Variants in TMEM132D observed in about 807,000 individuals in gnomAD.
TMEM132D encodes the protein mature OL transmembrane protein.
In TMEM132D, 21 loss-of-function variants were observed where a neutral mutation model predicts 62.3. The observed-to-expected ratio is 0.34, with a 90% confidence interval of 0.24 to 0.49. The LOEUF (loss-of-function observed/expected upper bound fraction) is 0.49. Ranked by LOEUF, TMEM132D falls within the 20% of genes least tolerant of loss-of-function variation. The probability of loss-of-function intolerance (pLI) is 0.99; values close to 1 mark genes in which losing one functional copy is unlikely to be tolerated. For missense variants in TMEM132D, 1,346 were observed against 1,402.8 expected, an observed-to-expected ratio of 0.96 and a Z score of 0.65; for synonymous variants, 621 against 575.6, an observed-to-expected ratio of 1.08 and a Z score of -1.13.
At chr12:129,373,026 C>T (rs566088285) in intron 3 of TMEM132D, among the ~76,000 whole-genome samples, 7 of 152,154 alleles carry the variant, frequency 4.6e-5, no homozygotes, top group African/African-American at 1.2e-4. Context: ...AACCCAGGAA[C>T]CCACTTGTTG....
At chr12:129,538,326 C>T (rs1412891890) in intron 2 of TMEM132D, among the ~76,000 whole-genome samples, 6 of 152,160 alleles carry the variant, frequency 3.9e-5, no homozygotes, top group South Asian at 4.1e-4. Context: ...AGGATCATGC[C>T]GAGGGCTGCC....
chr12:129,528,862 T>G (rs1876133887), intron 3 of TMEM132D, among the ~76,000 whole-genome samples: 1 of 152,244 alleles, frequency 6.6e-6, no homozygotes, highest in Non-Finnish European at 1.5e-5. Context: ...GTTCTAGAGC[T>G]TCCTCATTAA....
At chr12:129,874,312 A>G (rs1309165586) in intron 1 of TMEM132D, among the ~76,000 whole-genome samples, 1 of 152,158 alleles carries the variant, frequency 6.6e-6, no homozygotes, top group Non-Finnish European at 1.5e-5. Context: ...CGGGAGGCTG[A>G]GGCAGGAGAA....
intron 2 of TMEM132D, among the ~76,000 whole-genome samples, chr12:129,633,237 T>C (rs974572480): frequency 6.6e-6 from 1 of 152,204 alleles, no homozygotes; most frequent in African/African-American, 2.4e-5. Flanking sequence ...CACTTATGAA[T>C]TATAGATCAA....
At chr12:129,895,857 G>A (rs573950348) in intron 1 of TMEM132D, among the ~76,000 whole-genome samples, 1 of 151,920 alleles carries the variant, frequency 6.6e-6, no homozygotes, top group South Asian at 2.1e-4. Context: ...GAAGAGAAAG[G>A]CTGAGAAACC....
At chr12:129,678,486 A>G (rs1416605924) in intron 2 of TMEM132D, among the ~76,000 whole-genome samples, 1 of 152,026 alleles carries the variant, frequency 6.6e-6, no homozygotes, top group Non-Finnish European at 1.5e-5. Context: ...CCATTTTTAT[A>G]TTTGGCTATT....
chr12:129,821,963 T>C (rs1872551353), intron 1 of TMEM132D, among the ~76,000 whole-genome samples: 1 of 152,158 alleles, frequency 6.6e-6, no homozygotes, highest in African/African-American at 2.4e-5. Context: ...TCCTGCTGTA[T>C]GCTGGGCACC....
chr12:129,722,463 G>A (rs946989769), intron 1 of TMEM132D, among the ~76,000 whole-genome samples: 3 of 152,192 alleles, frequency 2.0e-5, no homozygotes, highest in Non-Finnish European at 4.4e-5. Context: ...GGGAGAAGGC[G>A]AAGAACACTG....
chr12:129,660,455 C>A (rs1414199259), intron 2 of TMEM132D, among the ~76,000 whole-genome samples: 2 of 152,078 alleles, frequency 1.3e-5, no homozygotes. Context: ...TCAGCTGTGG[C>A]CACCTGACAT....
intron 4 of TMEM132D, among the ~76,000 whole-genome samples, chr12:129,283,174 G>A (rs74604919): frequency 0.015 from 2,328 of 152,230 alleles, 50 homozygotes; most frequent in African/African-American, 0.049. Context: ...GAGCATCTAC[G>A]ATAAACTAGG....
intron 3 of TMEM132D, among the ~76,000 whole-genome samples, chr12:129,419,171 C>T (rs2135709872): frequency 6.8e-6 from 1 of 146,854 alleles, no homozygotes; most frequent in Non-Finnish European, 1.5e-5. Context: ...TCTTCTATTT[C>T]CTTGAGAGTC....
At position 129,392,376 on chromosome 12, in the gene TMEM132D, A is replaced by G. The variant is rs79307208; in HGVS notation, c.1116-54559T>C. Among the ~76,000 whole-genome samples, 1,027 of 152,290 alleles carry G rather than the reference A, an allele frequency of 6.7e-3. 6 individuals carry two copies. Among genetic ancestry groups the G allele is most frequent in the Non-Finnish European group, 9.6e-3 (654 of 68,018 alleles). On this transcript the variant is annotated intron_variant, in intron 3 of 8. Coordinates refer to ENST00000422113, the MANE Select transcript of TMEM132D (RefSeq NM_133448.3). The stretch of plus-strand genomic sequence containing the variant: ...CCCTGCCTGGCCTCAGTATTTCTTA[A>G]AAGTTCCCAGCTGACTGAACAACAA...
chr12:129,568,579 T>C (rs1877429323), intron 2 of TMEM132D, among the ~76,000 whole-genome samples: 1 of 152,244 alleles, frequency 6.6e-6, no homozygotes, highest in Admixed American at 6.5e-5. Context: ...GCAGTCCCAC[T>C]TGCAAATCTG....
chr12:129,649,911 T>A (rs912217461), intron 2 of TMEM132D, among the ~76,000 whole-genome samples: 1 of 152,030 alleles, frequency 6.6e-6, no homozygotes, highest in Non-Finnish European at 1.5e-5. Context: ...TGTGTCTATG[T>A]GTACGTGTGT....
chr12:129,841,471 A>G (rs965867229), intron 1 of TMEM132D, among the ~76,000 whole-genome samples: 1 of 152,162 alleles, frequency 6.6e-6, no homozygotes, highest in Non-Finnish European at 1.5e-5. Context: ...TCAGAAAAAA[A>G]CTTTTCCTCA....
At chr12:129,490,232 A>C (rs1252634895) in intron 3 of TMEM132D, among the ~76,000 whole-genome samples, 1 of 152,162 alleles carries the variant, frequency 6.6e-6, no homozygotes, top group Non-Finnish European at 1.5e-5. Flanking sequence ...ACAAAACAAC[A>C]ACAACAAAAA....
intron 2 of TMEM132D, among the ~76,000 whole-genome samples, chr12:129,606,634 T>G (rs570749938): frequency 6.6e-6 from 1 of 152,204 alleles, no homozygotes; most frequent in South Asian, 2.1e-4. Context: ...AGAAAACACC[T>G]GAAACTTAGA....
chr12:129,677,622 A>G (rs1483983452), intron 2 of TMEM132D, among the ~76,000 whole-genome samples: 1 of 152,210 alleles, frequency 6.6e-6, no homozygotes, highest in Non-Finnish European at 1.5e-5. Context: ...ACACAAGAAC[A>G]CACATACGTA....
At position 129,531,046 on chromosome 12, in the gene TMEM132D, A is replaced by G. The variant is rs779373209; in HGVS notation, c.1115+13T>C. 4.4e-6 allele frequency: 7 copies of G among 1,606,882 alleles called. No individual in the cohort carries two copies. Among genetic ancestry groups the G allele is most frequent in the East Asian group, 4.5e-5 (2 of 44,720 alleles). On this transcript the variant is annotated intron_variant, in intron 3 of 8. Coordinates refer to ENST00000422113, the MANE Select transcript of TMEM132D (RefSeq NM_133448.3). ...AGCTGATCTGAATATATCGGAGGCC[A>G]GTTGGGACTCACCTGTTTTCTGAGC...
Sources: gnomAD v4.1 joint callset for allele counts (sites outside exome capture counted in the v4.1 genomes callset) on GRCh38, gnomAD v4.1.1 for gene constraint, MANE v1.5 for transcripts, NCBI Gene and HGNC (gene_info 2026-07-23, HGNC 2026-07-21) for gene names.